Variants in PRRC2B observed in about 807,000 individuals in gnomAD.
The protein encoded by PRRC2B is proline rich coiled-coil 2B.
PRRC2B carries 68 observed loss-of-function variants against 242.3 expected under a neutral mutation model. That is an observed-to-expected ratio of 0.28 (90% CI 0.23 to 0.34). The LOEUF (loss-of-function observed/expected upper bound fraction) is 0.34. Ranked by LOEUF, PRRC2B falls within the 10% of genes least tolerant of loss-of-function variation. PRRC2B has a pLI of 1.00. For synonymous variants in PRRC2B, 1,228 were observed against 1,173.6 expected (o/e 1.05, Z -0.95); for missense variants, 2,835 against 2,954.8 (o/e 0.96, Z 0.94).
At chr9:131,420,466 TTTC>T (rs1837784607) in intron 1 of PRRC2B, among the ~76,000 whole-genome samples, 1 of 9,072 alleles carries the variant, frequency 1.1e-4, no homozygotes, top group Non-Finnish European at 4.2e-4. Flanking sequence ...TCTTTCTTTC[TTTC>T]TTTCTTTCTT....
intron 10 of PRRC2B, among the ~76,000 whole-genome samples, chr9:131,457,344 T>G (rs773406868): frequency 6.6e-6 from 1 of 152,232 alleles, no homozygotes; most frequent in Non-Finnish European, 1.5e-5. Flanking sequence ...TAGGACACTC[T>G]GTGTTCCTTG....
intron 1 of PRRC2B, among the ~76,000 whole-genome samples, chr9:131,388,288 T>C (rs1212337569): frequency 6.9e-6 from 1 of 145,752 alleles, no homozygotes; most frequent in African/African-American, 2.5e-5. Flanking sequence ...TTGCCCAGGC[T>C]GGAGTGCAGT....
intron 30 of PRRC2B, among the ~76,000 whole-genome samples, chr9:131,492,780 A>G (rs889766417): frequency 1.5e-4 from 23 of 152,150 alleles, no homozygotes; most frequent in Admixed American, 4.6e-4. Context: ...ACCTCCAGCA[A>G]CTGTCTCAGG....
At chr9:131,388,746 G>A (rs1214805172) in intron 1 of PRRC2B, among the ~76,000 whole-genome samples, 1 of 149,532 alleles carries the variant, frequency 6.7e-6, no homozygotes, top group Non-Finnish European at 1.5e-5. Context: ...GTTTCACCAT[G>A]TTGGCCAGGA....
At position 131,499,559 on chromosome 9, in the gene PRRC2B, C is replaced by G. The variant is rs1316296131; in HGVS notation, c.*3685C>G. ...GACCTAAGCAGGAAGTCATCCAGGA[C>G]AGGAGTGGCTCAGTGTTGGGGATGG... On this transcript the variant is annotated 3_prime_UTR_variant, in exon 32 of 32. Transcript: ENST00000683519. 1.3e-5 allele frequency: 2 copies of G among 152,272 alleles called. No individual in the cohort carries two copies. Among genetic ancestry groups the G allele is most frequent in the Non-Finnish European group, 2.9e-5 (2 of 68,064 alleles). 9.4% of individuals were successfully genotyped at this position (152,272 alleles called of 1,614,324 possible). A position where few individuals can be genotyped will look rare whatever the true frequency, so the allele number is the denominator to read the frequency against.
At chr9:131,480,279 C>T (rs774678077) in intron 19 of PRRC2B, among the ~76,000 whole-genome samples, 3 of 152,210 alleles carry the variant, frequency 2.0e-5, no homozygotes, top group Non-Finnish European at 4.4e-5. Context: ...CTCATGTGCT[C>T]GGTGAAAACT....
At position 131,459,231 on chromosome 9, in the gene PRRC2B, C is replaced by T. The variant is rs767173493; in HGVS notation, c.1279C>T (p.Arg427Trp). ...CTCTGCAGACAGTGCGGACGCTAAG[C>T]GGACTCGAGAGGAAGGGAAGGACTG... ...MSSADSADAK[R>W]TREEGKDWAE... Residue 427 changes from arginine (R) to tryptophan (W), a missense_variant, in exon 11 of 32, where the codon CGG (arginine) becomes TGG (tryptophan). Physicochemically the swap from Arg to Trp is moderately radical, Grantham distance 101 (BLOSUM62 -3). Around this residue, in one of 7 missense-constraint regions of PRRC2B, gnomAD observed 626 missense variants for 685.5 expected, o/e 0.91. Transcript: ENST00000683519. 1.4e-5 allele frequency: 22 copies of T among 1,613,816 alleles called. No homozygotes were observed. Among genetic ancestry groups the T allele is most frequent in the East Asian group, 1.3e-4 (6 of 44,890 alleles).
intron 1 of PRRC2B, among the ~76,000 whole-genome samples, chr9:131,423,564 G>T (rs1047712523): frequency 6.6e-6 from 1 of 152,204 alleles, no homozygotes; most frequent in South Asian, 2.1e-4. Flanking sequence ...GAGGAAATCC[G>T]AATGATTCTG....
At position 131,479,489 on chromosome 9, in the gene PRRC2B, A is replaced by G. The variant is rs1943797333; in HGVS notation, c.4900+96A>G. On this transcript the variant is annotated intron_variant, in intron 19 of 31. Coordinates refer to ENST00000683519, the MANE Select transcript of PRRC2B (RefSeq NM_013318.4). Reference sequence around the variant, plus strand: ...AGGATCCTGCTTTTGAGCTACGAATATAGATGGAATACAGATGGAGTACCT... The same window carrying G: ...AGGATCCTGCTTTTGAGCTACGAATGTAGATGGAATACAGATGGAGTACCT... 4.2e-6 allele frequency: 5 copies of G among 1,185,986 alleles called. No homozygotes were observed. In the South Asian group the frequency reaches 4.3e-5, roughly 10 times the overall value. The allele number at this position is 1,185,986 out of a possible 1,614,324, so 73.5% of individuals were successfully genotyped here.
In PRRC2B at chr9:131,494,540, AGC is replaced by A. The variant is rs1944278705; in HGVS notation, c.6555+57_6555+58del. ...CCCTGGACACTTAGGCCCGTCTCCA[AGC>A]GCCAAAAGAGAAGGGACTGTCCAAC... On this transcript the variant is annotated intron_variant, in intron 31 of 31. Transcript: ENST00000683519. The surrounding 1 kb of genome is among the most constrained non-coding windows in gnomAD (Gnocchi z 4.3). The A allele has an allele frequency of 1.0e-6, 1 of 987,654 alleles. No homozygotes were observed. Among genetic ancestry groups the A allele is most frequent in the Admixed American group, 2.2e-5 (1 of 44,614 alleles). 61.2% of individuals were successfully genotyped at this position (987,654 alleles called of 1,614,324 possible).
At position 131,446,722 on chromosome 9, in the gene PRRC2B, C is replaced by T; in HGVS notation, c.855+80C>T. On this transcript the variant is annotated intron_variant, in intron 7 of 31. Coordinates refer to ENST00000683519, the MANE Select transcript of PRRC2B (RefSeq NM_013318.4). The surrounding 1 kb of genome is among the most constrained non-coding windows in gnomAD (Gnocchi z 4.1). ...AGATAGGTCAAGTGGTTGAATGTCC[C>T]CCTTGGGGTCTCCTCTTGGCCCTGT... The T allele has an allele frequency of 1.3e-6, 2 of 1,510,238 alleles. No individual in the cohort carries two copies. Among genetic ancestry groups the T allele is most frequent in the Admixed American group, 1.8e-5 (1 of 55,812 alleles). 93.6% of individuals were successfully genotyped at this position (1,510,238 alleles called of 1,614,324 possible).
In PRRC2B at chr9:131,495,848, G is replaced by C; in HGVS notation, c.6664G>C (p.Val2222Leu). 3 of 1,610,162 alleles carry C rather than the reference G, an allele frequency of 1.9e-6. No individual in the cohort carries two copies. The highest frequency in any genetic ancestry group is 1.7e-6 in the Non-Finnish European group (2 of 1,176,942). Residue 2222 changes from valine (V) to leucine (L), a missense_variant, in exon 32 of 32, where the codon GTC (valine) becomes CTC (leucine). By Grantham distance (32) the Val-to-Leu change is conservative (BLOSUM62 1). Coordinates refer to ENST00000683519, the MANE Select transcript of PRRC2B (RefSeq NM_013318.4). ...AACCGGAGCGATCAAGCCTCGGGCTGTCAAAGTGGAGGAGAGTAAGGCCTG... is the reference window on the plus strand; with the variant it reads ...AACCGGAGCGATCAAGCCTCGGGCTCTCAAAGTGGAGGAGAGTAAGGCCTG... ...KRTGAIKPRA[V>L]KVEESKA
chr9:131,422,908 T>C (rs912851113), intron 1 of PRRC2B, among the ~76,000 whole-genome samples: 1 of 152,258 alleles, frequency 6.6e-6, no homozygotes, highest in African/African-American at 2.4e-5. Context: ...GGCCCCTTTT[T>C]CATCTGCCTA....
intron 16 of PRRC2B, among the ~76,000 whole-genome samples, chr9:131,477,341 G>C (rs558419159): frequency 2.0e-5 from 3 of 152,318 alleles, no homozygotes; most frequent in Non-Finnish European, 4.4e-5. Context: ...ATCTAATCCA[G>C]CTTTCCAGGC....
chr9:131,378,762 C>T (rs1208388054), intron 1 of PRRC2B, among the ~76,000 whole-genome samples: 1 of 152,132 alleles, frequency 6.6e-6, no homozygotes, highest in Non-Finnish European at 1.5e-5. Flanking sequence ...CTCTGTTGCC[C>T]AGGCTGAAGT....
At chr9:131,376,244 A>T (rs1338761244) in intron 1 of PRRC2B, among the ~76,000 whole-genome samples, 5 of 146,248 alleles carry the variant, frequency 3.4e-5, no homozygotes, top group Admixed American at 3.4e-4. Flanking sequence ...ATCCCAGCTA[A>T]TCGGGAGGCT....
At position 131,481,821 on chromosome 9, in the gene PRRC2B, G is replaced by A. The variant is rs902481222; in HGVS notation, c.4983+13G>A. On this transcript the variant is annotated intron_variant, in intron 20 of 31. Transcript: ENST00000683519. ...TGGCTCTGCGGAGGTGAGTGTGGCC[G>A]CTGCCCACATGCTGCCCCTGGGATG... 4.1e-5 allele frequency: 63 copies of A among 1,547,704 alleles called. No homozygotes were observed. The highest frequency in any genetic ancestry group is 5.1e-5 in the Non-Finnish European group (59 of 1,148,554).
rs1564286692 is a variant in PRRC2B at position 131,446,683 on chromosome 9, G to A, written c.855+41G>A. ...GTACTTTTTTTCCCCCCATGAAGTT[G>A]GATTGTGTCCAGCAGATAGGTCAAG... On this transcript the variant is annotated intron_variant, in intron 7 of 31. Transcript: ENST00000683519. The surrounding 1 kb of genome is among the most constrained non-coding windows in gnomAD (Gnocchi z 4.1). The A allele has an allele frequency of 6.2e-7, 1 of 1,607,600 alleles. No individual in the cohort carries two copies. Among genetic ancestry groups the A allele is most frequent in the East Asian group, 2.2e-5 (1 of 44,822 alleles).
chr9:131,447,061 C>T (rs1365233795), intron 7 of PRRC2B, 24 bp from the exon 8 acceptor site: 1 of 1,613,682 alleles, frequency 6.2e-7, no homozygotes, highest in Admixed American at 1.7e-5. Context: ...CCAGCAAATC[C>T]TGTTCATTGA....
Sources: gnomAD v4.1 joint callset for allele counts (sites outside exome capture counted in the v4.1 genomes callset) on GRCh38, gnomAD v4.1.1 for gene constraint, gnomAD v4.1.1 regional missense constraint, Gnocchi (gnomAD v3.1) non-coding constraint, MANE v1.5 for transcripts, NCBI Gene and HGNC (gene_info 2026-07-23, HGNC 2026-07-21) for gene names.